Variants in FOLH1 observed in about 807,000 individuals in gnomAD.
FOLH1 encodes folate hydrolase 1.
FOLH1 carries 54 observed loss-of-function variants against 93.9 expected under a neutral mutation model. The observed-to-expected ratio is 0.57, with a 90% CI of 0.46 to 0.72. FOLH1 has a LOEUF of 0.72. FOLH1 is among the 30% of genes least tolerant of loss of function. The pLI, the probability that FOLH1 is intolerant of heterozygous loss-of-function variation, is 0.00. For synonymous variants in FOLH1, 249 were observed against 303.6 expected (o/e 0.82, Z 1.87); for missense variants, 571 against 892.5 (o/e 0.64, Z 4.59).
At chr11:49,172,968 C>A (rs1166115546) in intron 10 of FOLH1, among the ~76,000 whole-genome samples, 2 of 152,110 alleles carry the variant, frequency 1.3e-5, no homozygotes, top group African/African-American at 2.4e-5. Flanking sequence ...ACTTTGTACA[C>A]GTAATCTGAG....
intron 3 of FOLH1, among the ~76,000 whole-genome samples, chr11:49,199,752 A>G (rs1863066836): frequency 6.6e-6 from 1 of 152,104 alleles, no homozygotes; most frequent in East Asian, 1.9e-4. Context: ...CTCTATTAAA[A>G]ATACAAAAAT....
At chr11:49,177,727 C>T (rs1031828427) in intron 7 of FOLH1, among the ~76,000 whole-genome samples, 2 of 146,646 alleles carry the variant, frequency 1.4e-5, no homozygotes, top group African/African-American at 5.0e-5. Flanking sequence ...GCAAGCGGAT[C>T]ACCTGAGGTC....
At chr11:49,184,100 A>C (rs1248422949) in intron 6 of FOLH1, among the ~76,000 whole-genome samples, 1 of 152,194 alleles carries the variant, frequency 6.6e-6, no homozygotes, top group Non-Finnish European at 1.5e-5. Flanking sequence ...TTTTTAAAAC[A>C]ATCTAATAAG....
chr11:49,173,784 T>C (rs1397679134), intron 9 of FOLH1, among the ~76,000 whole-genome samples: 7 of 152,156 alleles, frequency 4.6e-5, no homozygotes, highest in Admixed American at 1.3e-4. Context: ...ATTACTTCTC[T>C]TACCTAACTT....
chr11:49,168,121 A>ATAC, intron 12 of FOLH1, among the ~76,000 whole-genome samples: 1 of 151,316 alleles, frequency 6.6e-6, no homozygotes, highest in South Asian at 2.1e-4. Context: ...AATAAGCAAG[A>ATAC]TACTGTCTGT....
At chr11:49,157,802 T>A in intron 14 of FOLH1, 150 bp downstream of exon 14, 1 of 692,648 alleles carries the variant, frequency 1.4e-6, no homozygotes, top group Middle Eastern at 3.6e-4. Flanking sequence ...ATAGTAATAT[T>A]TTATTTGTGA....
intron 1 of FOLH1, 108 bp downstream of exon 1, chr11:49,208,184 C>T: frequency 1.2e-6 from 1 of 827,074 alleles, no homozygotes; most frequent in Non-Finnish European, 1.9e-6. Context: ...ATCGCCGCCC[C>T]TGGGGAAGAC....
intron 15 of FOLH1, among the ~76,000 whole-genome samples, chr11:49,155,723 A>G (rs1308641122): frequency 6.9e-6 from 1 of 144,954 alleles, no homozygotes; most frequent in South Asian, 2.2e-4. Context: ...TTAATTATAA[A>G]CCACTGTTCT....
rs138028811 is a variant in FOLH1, at chr11:49,186,714, C to T, written c.569G>A (p.Arg190Gln). The part of the protein sequence containing the change: ...ARTEDFFKLE[R>Q]DMKINCSGKI... ...CCCAGAGCAATTGATTTTCATGTCC[C>T]GTTCCAATTTAAAGAAGTCTTCAGT... The change falls in exon 5 of 19, where the codon CGG becomes CAG. Residue 190 changes from arginine to glutamine, a missense_variant. Around this residue, in one of 2 missense-constraint regions of FOLH1, gnomAD observed 500 missense variants for 822.9 expected, o/e 0.61. Transcript: ENST00000256999. The T allele has an allele frequency of 3.7e-6, 6 of 1,612,940 alleles. No homozygotes were observed. Among genetic ancestry groups the T allele is most frequent in the Admixed American group, 1.7e-5 (1 of 59,862 alleles).
intron 13 of FOLH1, among the ~76,000 whole-genome samples, chr11:49,159,249 C>T (rs1175309200): frequency 7.2e-5 from 11 of 152,096 alleles, no homozygotes; most frequent in Admixed American, 3.3e-4. Flanking sequence ...CCATTCAGTA[C>T]GATGTTGGCT....
intron 10 of FOLH1, among the ~76,000 whole-genome samples, chr11:49,172,930 T>C (rs930042781): frequency 4.6e-5 from 7 of 152,178 alleles, no homozygotes; most frequent in African/African-American, 1.4e-4. Flanking sequence ...CCTGTATTTC[T>C]CTGAATAGAG....
At chr11:49,192,706 C>T (rs1862205822) in intron 4 of FOLH1, 87 bp downstream of exon 4, 6 of 1,147,928 alleles carry the variant, frequency 5.2e-6, no homozygotes, top group South Asian at 1.8e-5. Flanking sequence ...TTAAAAGTCC[C>T]TTTATGACCC....
chr11:49,200,416 C>T lies in FOLH1; in HGVS notation c.250G>A (p.Ala84Thr), dbSNP rs1863144438. 6.2e-7 allele frequency: 1 copy of T among 1,612,920 alleles called. No homozygotes were observed. Among genetic ancestry groups the T allele is most frequent in the African/African-American group, 1.3e-5 (1 of 74,808 alleles). The change falls in exon 3 of 19, where the codon GCA (alanine) becomes ACA (threonine). Residue 84 changes from alanine to threonine, a missense_variant. By Grantham distance (58) the Ala-to-Thr change is moderately conservative. Coordinates refer to ENST00000256999, the MANE Select transcript of FOLH1 (RefSeq NM_004476.3). ...AGCTGAAAGTTTTGTTCTGTTCCTG[C>T]TAAATGTGGTATCTGTGTAAAATTA... ...LYNFTQIPHLAGTEQNFQLAK... is the reference protein window; with the variant it reads ...LYNFTQIPHLTGTEQNFQLAK...
intron 10 of FOLH1, among the ~76,000 whole-genome samples, 188 bp downstream of exon 10, chr11:49,173,164 AATAAT>A (rs1238934507): frequency 2.6e-5 from 4 of 152,154 alleles, no homozygotes; most frequent in African/African-American, 9.7e-5. Flanking sequence ...CATAAATATC[AATAAT>A]ATATGTGTTA....
At position 49,183,036 on chromosome 11, in the gene FOLH1, A is replaced by G. The variant is rs1422290704; in HGVS notation, c.920+113T>C. 2.2e-5 allele frequency: 18 copies of G among 817,792 alleles called. 1 individual carries two copies. The highest frequency in any genetic ancestry group is 3.3e-5 in the Non-Finnish European group (17 of 520,184). 50.7% of individuals were successfully genotyped at this position (817,792 alleles called of 1,614,324 possible). ...TTTTATACTGATAAAATTACAAGCAACACCCATGTTGGAAAATTTAAGTAC... is the reference window on the plus strand; with the variant it reads ...TTTTATACTGATAAAATTACAAGCAGCACCCATGTTGGAAAATTTAAGTAC... On this transcript the variant is annotated intron_variant, in intron 7 of 18. Transcript: ENST00000256999.
At chr11:49,195,171 G>C (rs1220255863) in intron 3 of FOLH1, among the ~76,000 whole-genome samples, 1 of 152,016 alleles carries the variant, frequency 6.6e-6, no homozygotes, top group African/African-American at 2.4e-5. Flanking sequence ...GGTTCCAAAG[G>C]AAGCCTCAAC....
chr11:49,199,881 A>C (rs1248636225), intron 3 of FOLH1, among the ~76,000 whole-genome samples: 2 of 152,018 alleles, frequency 1.3e-5, no homozygotes, highest in Non-Finnish European at 2.9e-5. Flanking sequence ...ACTGCACTCC[A>C]GCCTGCCTGA....
intron 9 of FOLH1, among the ~76,000 whole-genome samples, chr11:49,174,204 T>A (rs7106301): frequency 0.52 from 78,818 of 152,008 alleles, 21,873 homozygotes; most frequent in Admixed American, 0.62. Context: ...CTTTAGAATA[T>A]GCAAACAACA....
intron 3 of FOLH1, among the ~76,000 whole-genome samples, chr11:49,198,398 T>C (rs1201493928): frequency 2.6e-5 from 4 of 151,202 alleles, no homozygotes; most frequent in African/African-American, 9.8e-5. Context: ...AGGAGAATGG[T>C]GTGAACCCGG....
Sources: allele counts gnomAD v4.1 joint callset (sites outside exome capture counted in the v4.1 genomes callset), GRCh38; gene constraint gnomAD v4.1.1; regional missense constraint gnomAD v4.1.1; transcripts MANE v1.5; gene names NCBI Gene and HGNC (gene_info 2026-07-23, HGNC 2026-07-21).